Variants in SVIL observed in about 807,000 individuals in gnomAD.
SVIL encodes the protein archvillin.
A neutral mutation model predicts 240.4 loss-of-function variants in SVIL; 101 were observed. The ratio of observed to expected loss-of-function variants is 0.42; its 90% CI spans 0.36 to 0.50. The LOEUF (loss-of-function observed/expected upper bound fraction) is 0.50, where lower values mean the gene tolerates loss of function less well. Among genes scored for constraint, SVIL ranks in the 20% least tolerant of loss-of-function variants. The pLI, the probability that SVIL is intolerant of heterozygous loss-of-function variation, is 0.01. For missense variants in SVIL, 2,512 were observed against 2,818.7 expected (o/e 0.89, Z 2.46); for synonymous variants, 999 against 1,100.0 (o/e 0.91, Z 1.82).
intron 1 of SVIL, chr10:29,576,167 T>C (rs953440750): frequency 3.1e-6 from 3 of 973,728 alleles, no homozygotes; most frequent in African/African-American, 3.5e-5. Flanking sequence ...ACGATGCCAA[T>C]GGTAAATAAG....
chr10:29,564,002 G>C lies in SVIL; in HGVS notation c.-142-710C>G, dbSNP rs979967439. 4.6e-5 allele frequency among the ~76,000 whole-genome samples: 7 copies of C among 151,936 alleles called. No individual in the cohort carries two copies. The East Asian group carries it at 9.7e-4, about 21-fold the overall frequency. On this transcript the variant is annotated intron_variant, in intron 2 of 37. Coordinates refer to ENST00000355867, the MANE Select transcript of SVIL (RefSeq NM_021738.3). ...ATCTCTCCAAGACCCTAAGAGGTAC[G>C]AACTACTCAGCGAGGTGCTGATAAA...
At chr10:29,503,859 A>T (rs1201495896) in intron 17 of SVIL, among the ~76,000 whole-genome samples, 1 of 152,224 alleles carries the variant, frequency 6.6e-6, no homozygotes, top group Non-Finnish European at 1.5e-5. Context: ...CTTAAAGTTT[A>T]CATGGAGAGG....
chr10:29,568,787 GTGGATGGATGGA>G (rs10667163), intron 2 of SVIL, among the ~76,000 whole-genome samples: 7,406 of 139,728 alleles, frequency 0.053, 570 homozygotes, highest in African/African-American at 0.17. Flanking sequence ...GGGTGGATGG[GTGGATGGATGGA>G]TGGATGGATG....
At chr10:29,605,912 T>C (rs1289224326) in intron 1 of SVIL, among the ~76,000 whole-genome samples, 3 of 151,240 alleles carry the variant, frequency 2.0e-5, no homozygotes, top group African/African-American at 7.4e-5. Flanking sequence ...TTATTAGTTT[T>C]TATTTTTATT....
At chr10:29,463,979 A>T (rs1391439816) in intron 34 of SVIL, among the ~76,000 whole-genome samples, 3 of 152,202 alleles carry the variant, frequency 2.0e-5, no homozygotes, top group Non-Finnish European at 4.4e-5. Flanking sequence ...GGGATAATGC[A>T]TGTGCCACTC....
chr10:29,599,118 A>G (rs1956713147), intron 1 of SVIL, among the ~76,000 whole-genome samples: 1 of 152,184 alleles, frequency 6.6e-6, no homozygotes, highest in Admixed American at 6.5e-5. Context: ...GTTTAGCTTT[A>G]GAAACATTTG....
chr10:29,513,338 A>G (rs532027278), intron 16 of SVIL, among the ~76,000 whole-genome samples: 1 of 152,248 alleles, frequency 6.6e-6, no homozygotes, highest in Non-Finnish European at 1.5e-5. Flanking sequence ...TGGGAAGCTG[A>G]GGCAGGTGGA....
At position 29,551,154 on chromosome 10, in the gene SVIL, C is replaced by T. The variant is rs748438387; in HGVS notation, c.270G>A (p.Ser90=). 3.1e-6 allele frequency: 5 copies of T among 1,614,090 alleles called. No homozygotes were observed. The highest frequency in any genetic ancestry group is 2.2e-5 in the East Asian group (1 of 44,864). The change falls in exon 6 of 38, where the codon TCG becomes TCA. Residue 90 remains serine (S), a synonymous_variant. Transcript: ENST00000355867. ...SGVHGDSPYG[S]GTMDTHSLES... ...CCAGACTGTGGGTGTCCATGGTACC[C>T]GAACCATAGGGTGAGTCACCGTGGA...
In SVIL at chr10:29,506,751, G is replaced by A. The variant is rs1236527709; in HGVS notation, c.3516+5984C>T. Among the ~76,000 whole-genome samples, 15 of 145,736 alleles carry A rather than the reference G, an allele frequency of 1.0e-4. 1 individual carries two copies. Among genetic ancestry groups the A allele is most frequent in the South Asian group, 6.7e-4 (3 of 4,494 alleles). ...CGAAGGAGGGGACAGAGGCCCTAGA[G>A]GGAGGGGACAGAGGCCCTAGAGGGA... On this transcript the variant is annotated intron_variant, in intron 17 of 37. Transcript: ENST00000355867.
intron 12 of SVIL, among the ~76,000 whole-genome samples, chr10:29,528,375 A>G (rs1453694022): frequency 1.3e-5 from 2 of 152,132 alleles, no homozygotes; most frequent in African/African-American, 4.8e-5. Context: ...AATGGGATGA[A>G]CTATTTTTTT....
intron 2 of SVIL, among the ~76,000 whole-genome samples, chr10:29,566,638 C>A (rs949122762): frequency 6.6e-6 from 1 of 152,314 alleles, no homozygotes; most frequent in East Asian, 1.9e-4. Context: ...AAATTCAGGA[C>A]GGTTCATCAG....
In SVIL at chr10:29,523,530, G is replaced by C. The variant is rs773236088; in HGVS notation, c.3084C>G (p.Asn1028Lys). ...FSMAKMNAQG[N>K]LDLRDRLPFE... Reference sequence around the variant, plus strand: ...AGGGCAGCCTGTCCCTCAAGTCCAAGTTTCCTTGTGCATTCATTTTAGCCA... The same window carrying C: ...AGGGCAGCCTGTCCCTCAAGTCCAACTTTCCTTGTGCATTCATTTTAGCCA... Residue 1028 changes from asparagine (N) to lysine (K), a missense_variant, in exon 15 of 38, where the codon AAC becomes AAG. Asn to Lys is a moderately conservative substitution (Grantham distance 94, BLOSUM62 0). Coordinates refer to ENST00000355867, the MANE Select transcript of SVIL (RefSeq NM_021738.3). 6.2e-7 allele frequency: 1 copy of C among 1,614,016 alleles called. No homozygotes were observed. The highest frequency in any genetic ancestry group is 1.7e-5 in the Admixed American group (1 of 59,986).
At chr10:29,672,705 A>T (rs1959873823) in intron 2 of SVIL, among the ~76,000 whole-genome samples, 2 of 151,646 alleles carry the variant, frequency 1.3e-5, no homozygotes, top group African/African-American at 4.9e-5. Context: ...TCTCTGCTGC[A>T]CTCTTCCTGC....
chr10:29,474,728 G>T (rs1946002140), intron 29 of SVIL, among the ~76,000 whole-genome samples: 1 of 152,170 alleles, frequency 6.6e-6, no homozygotes, highest in Admixed American at 6.5e-5. Flanking sequence ...TTTGGCAAAA[G>T]AATAGCTGGT....
At chr10:29,561,528 T>C (rs1954469024) in intron 3 of SVIL, among the ~76,000 whole-genome samples, 1 of 152,236 alleles carries the variant, frequency 6.6e-6, no homozygotes, top group African/African-American at 2.4e-5. Context: ...TTCATTCTTA[T>C]ACTTTGTTTT....
At chr10:29,652,157 T>G (rs890277011) in intron 3 of SVIL, among the ~76,000 whole-genome samples, 1 of 152,206 alleles carries the variant, frequency 6.6e-6, no homozygotes, top group African/African-American at 2.4e-5. Context: ...TTCTAGTCAC[T>G]TTCATCATTC....
intron 6 of SVIL, among the ~76,000 whole-genome samples, chr10:29,536,875 C>T (rs1951778142): frequency 6.9e-6 from 1 of 143,990 alleles, no homozygotes; most frequent in Admixed American, 7.1e-5. Context: ...CATGCCACTG[C>T]ACTCCAGCCC....
chr10:29,470,971 G>C (rs1020726049), intron 31 of SVIL, among the ~76,000 whole-genome samples, 167 bp downstream of exon 31: 1 of 152,082 alleles, frequency 6.6e-6, no homozygotes, highest in East Asian at 1.9e-4. Flanking sequence ...AGGGAGAGGC[G>C]GGTCATGAGC....
intron 35 of SVIL, among the ~76,000 whole-genome samples, chr10:29,463,015 T>C (rs1214982113): frequency 6.6e-6 from 1 of 152,192 alleles, no homozygotes; most frequent in African/African-American, 2.4e-5. Context: ...TTACTATGGG[T>C]ATTTCTCTTT....
Sources: gnomAD v4.1 joint callset for allele counts (sites outside exome capture counted in the v4.1 genomes callset) on GRCh38, gnomAD v4.1.1 for gene constraint, MANE v1.5 for transcripts, NCBI Gene and HGNC (gene_info 2026-07-23, HGNC 2026-07-21) for gene names.